Variants in MIS18BP1 observed in about 807,000 individuals in gnomAD.
The protein encoded by MIS18BP1 is mis18-binding protein 1.
Under a neutral mutation model 116.1 loss-of-function variants are expected in MIS18BP1, and 72 were observed. That is an observed-to-expected ratio of 0.62 (90% confidence interval 0.51 to 0.75). The LOEUF (loss-of-function observed/expected upper bound fraction) is 0.75. MIS18BP1 is among the 30% of genes least tolerant of loss of function. MIS18BP1 has a pLI of 0.00. For missense variants in MIS18BP1, 1,363 were observed against 1,303.2 expected, an observed-to-expected ratio of 1.05 and a Z score of -0.71; for synonymous variants, 386 against 427.0, an observed-to-expected ratio of 0.90 and a Z score of 1.18.
intron 4 of MIS18BP1, among the ~76,000 whole-genome samples, chr14:45,241,008 A>G (rs1422581991): frequency 6.6e-6 from 1 of 152,148 alleles, no homozygotes; most frequent in African/African-American, 2.4e-5. Context: ...CTGGTATGTC[A>G]CTCTTTAAAA....
intron 10 of MIS18BP1, 76 bp downstream of exon 10, chr14:45,226,667 T>C (rs111396824): frequency 1.8e-5 from 20 of 1,120,394 alleles, no homozygotes; most frequent in Non-Finnish European, 2.3e-5. Context: ...ATTTACAAGA[T>C]CACTTTTATC....
At chr14:45,219,976 A>G (rs919506379) in intron 11 of MIS18BP1, among the ~76,000 whole-genome samples, 3 of 152,216 alleles carry the variant, frequency 2.0e-5, no homozygotes, top group Non-Finnish European at 4.4e-5. Flanking sequence ...TTTCATTATT[A>G]GCATAAAACC....
At chr14:45,226,015 T>C (rs943403425) in intron 10 of MIS18BP1, among the ~76,000 whole-genome samples, 2 of 151,914 alleles carry the variant, frequency 1.3e-5, no homozygotes, top group African/African-American at 4.9e-5. Context: ...CTTCAAATTA[T>C]GAGAAAAGTA....
intron 1 of MIS18BP1, 121 bp downstream of exon 1, chr14:45,252,914 A>T (rs1482343196): frequency 2.0e-5 from 3 of 152,270 alleles, no homozygotes; most frequent in African/African-American, 7.2e-5. Context: ...TCCGTACCAA[A>T]GCCAGAAATC....
At chr14:45,232,203 T>G (rs1891297442) in intron 7 of MIS18BP1, among the ~76,000 whole-genome samples, 1 of 149,860 alleles carries the variant, frequency 6.7e-6, no homozygotes, top group South Asian at 2.1e-4. Context: ...GATCAGGAGG[T>G]CAGGAGATCG....
chr14:45,253,123 C>CTCAGGCCCACGGTGTA lies in MIS18BP1; in HGVS notation c.-196_-181dup, dbSNP rs1891928222. 1 of 152,360 alleles carries CTCAGGCCCACGGTGTA rather than the reference C, an allele frequency of 6.6e-6. No homozygotes were observed. Among genetic ancestry groups the CTCAGGCCCACGGTGTA allele is most frequent in the African/African-American group, 2.4e-5 (1 of 41,470 alleles). The allele number at this position is 152,360 out of a possible 1,614,324, so 9.4% of individuals were successfully genotyped here. Reference sequence around the variant, plus strand: ...GGGCCGCACGCCGCCGGGCTCGCGCCTCAGGCCCACGGTGTATCCTGCCCG... The same window carrying CTCAGGCCCACGGTGTA: ...GGGCCGCACGCCGCCGGGCTCGCGCCTCAGGCCCACGGTGTATCAGGCCCACGGTGTATCCTGCCCG... On this transcript the variant is annotated 5_prime_UTR_variant, in exon 1 of 17. Coordinates refer to ENST00000310806, the MANE Select transcript of MIS18BP1 (RefSeq NM_018353.5).
At chr14:45,237,058 G>A (rs1456439612) in intron 5 of MIS18BP1, among the ~76,000 whole-genome samples, 1 of 148,326 alleles carries the variant, frequency 6.7e-6, no homozygotes, top group African/African-American at 2.5e-5. Context: ...CTGTCACCCA[G>A]GCTGGAGAAC....
At chr14:45,204,914 AC>A (rs1227529240) in intron 15 of MIS18BP1, among the ~76,000 whole-genome samples, 5 of 152,060 alleles carry the variant, frequency 3.3e-5, no homozygotes, top group African/African-American at 1.2e-4. Flanking sequence ...ACTTTTACCT[AC>A]AGTCTGTTAT....
At chr14:45,233,759 A>G (rs532630692) in intron 6 of MIS18BP1, among the ~76,000 whole-genome samples, 1 of 152,310 alleles carries the variant, frequency 6.6e-6, no homozygotes, top group Non-Finnish European at 1.5e-5. Flanking sequence ...GATGGGGAAG[A>G]ATATAGGTTA....
chr14:45,236,049 G>A, intron 5 of MIS18BP1, 105 bp from the exon 6 acceptor site: 1 of 1,035,514 alleles, frequency 9.7e-7, no homozygotes. Context: ...AATGTTATTA[G>A]TCTAATTACA....
At chr14:45,232,592 C>T (rs1036324146) in intron 7 of MIS18BP1, 141 bp downstream of exon 7, 36 of 615,814 alleles carry the variant, frequency 5.8e-5, no homozygotes, top group Middle Eastern at 4.3e-4. Context: ...GCCAGGAGTT[C>T]GAGACCAGTC....
chr14:45,206,278 A>G (rs74244133), intron 14 of MIS18BP1, 108 bp from the exon 15 acceptor site: 42,189 of 710,712 alleles, frequency 0.059, 1,583 homozygotes, highest in East Asian at 0.13. Context: ...AATTGCCTAA[A>G]TTAATTTCAA....
intron 13 of MIS18BP1, among the ~76,000 whole-genome samples, chr14:45,214,923 G>C (rs558065074): frequency 6.6e-6 from 1 of 152,136 alleles, no homozygotes; most frequent in East Asian, 1.9e-4. Context: ...GCTAATTTTT[G>C]TATTTTTAGT....
In MIS18BP1 at chr14:45,253,135, G is replaced by A. The variant is rs560839142; in HGVS notation, c.-192C>T. On this transcript the variant is annotated 5_prime_UTR_variant, in exon 1 of 17. Transcript: ENST00000310806. ...GCCGGGCTCGCGCCTCAGGCCCACG[G>A]TGTATCCTGCCCGCGGCGGCCAGGC... 1.3e-5 allele frequency: 2 copies of A among 152,328 alleles called. No individual in the cohort carries two copies. The highest frequency in any genetic ancestry group is 2.9e-5 in the Non-Finnish European group (2 of 68,116). 9.4% of individuals were successfully genotyped at this position (152,328 alleles called of 1,614,324 possible). A position where few individuals can be genotyped will look rare whatever the true frequency, so the allele number is the denominator to read the frequency against.
At chr14:45,223,646 T>C (rs1395347620) in intron 11 of MIS18BP1, among the ~76,000 whole-genome samples, 1 of 152,092 alleles carries the variant, frequency 6.6e-6, no homozygotes, top group Non-Finnish European at 1.5e-5. Flanking sequence ...GAGAGAGTAC[T>C]ATTTGGCTAT....
chr14:45,206,933 T>C (rs1347093948), intron 14 of MIS18BP1, among the ~76,000 whole-genome samples: 1 of 152,130 alleles, frequency 6.6e-6, no homozygotes, highest in Non-Finnish European at 1.5e-5. Context: ...ACTGTCAATT[T>C]TTCCAACTGT....
chr14:45,236,287 C>T (rs1368309136), intron 5 of MIS18BP1, among the ~76,000 whole-genome samples: 1 of 152,322 alleles, frequency 6.6e-6, no homozygotes, highest in East Asian at 1.9e-4. Flanking sequence ...TGTTCCTCTC[C>T]TTCAGGGTCT....
chr14:45,242,661 C>A, intron 3 of MIS18BP1, 100 bp downstream of exon 3: 1 of 1,453,576 alleles, frequency 6.9e-7, no homozygotes, highest in Non-Finnish European at 9.2e-7. Context: ...AAGCTTTTGT[C>A]CACAGCTAAA....
chr14:45,215,634 A>G (rs1339728299), intron 13 of MIS18BP1, among the ~76,000 whole-genome samples: 1 of 151,232 alleles, frequency 6.6e-6, no homozygotes, highest in East Asian at 1.9e-4. Flanking sequence ...AATGGTCTCG[A>G]TCTCCTGACC....
Sources: gnomAD v4.1 joint callset for allele counts (sites outside exome capture counted in the v4.1 genomes callset) on GRCh38, gnomAD v4.1.1 for gene constraint, MANE v1.5 for transcripts, NCBI Gene and HGNC (gene_info 2026-07-23, HGNC 2026-07-21) for gene names.